TNIP1: variants seen among roughly 807,000 people sequenced by gnomAD.
The protein encoded by TNIP1 is TNFAIP3 interacting protein 1, also known as TNFAIP3-interacting protein 1.
In TNIP1, 22 loss-of-function variants were observed where a neutral mutation model predicts 86.6. That is an observed-to-expected ratio of 0.25 (90% CI 0.18 to 0.36). The LOEUF (loss-of-function observed/expected upper bound fraction) is 0.36, where lower values mean the gene tolerates loss of function less well. Among genes scored for constraint, TNIP1 ranks in the 10% least tolerant of loss-of-function variants. The pLI is 1.00. For synonymous variants in TNIP1, 294 were observed against 313.0 expected (o/e 0.94, Z 0.64); for missense variants, 709 against 820.6 (o/e 0.86, Z 1.66).
chr5:151,036,756 C>G (rs766241930), intron 13 of TNIP1, 34 bp downstream of exon 13: 122 of 1,613,296 alleles, frequency 7.6e-5, no homozygotes, highest in Non-Finnish European at 7.9e-5. Flanking sequence ...TCCCACAGAG[C>G]ACCTCCCACC....
Position 151,035,712 on chromosome 5 carries a change from T to G in TNIP1, c.1396-5A>C. 6.2e-7 allele frequency: 1 copy of G among 1,613,896 alleles called. No individual in the cohort carries two copies. Among genetic ancestry groups the G allele is most frequent in the Non-Finnish European group, 8.5e-7 (1 of 1,179,976 alleles). On this transcript the variant is annotated splice_polypyrimidine_tract_variant and splice_region_variant and intron_variant, in intron 13 of 17. Coordinates refer to ENST00000521591, the MANE Select transcript of TNIP1 (RefSeq NM_006058.5). ...GTCCTCCTCGAAGATCTTCACCTGGTGTGGAGGGAGGGTGAAGAGAGGGAG... is the reference window on the plus strand; with the variant it reads ...GTCCTCCTCGAAGATCTTCACCTGGGGTGGAGGGAGGGTGAAGAGAGGGAG...
upstream of TNIP1, among the ~76,000 whole-genome samples, chr5:151,084,634 G>A (rs1453276038): frequency 1.3e-5 from 2 of 152,108 alleles, no homozygotes; most frequent in African/African-American, 4.8e-5. Flanking sequence ...CCCACTGATA[G>A]GAAATGGAGC....
At chr5:151,040,058 G>T (rs1758226012) in intron 11 of TNIP1, among the ~76,000 whole-genome samples, 1 of 152,226 alleles carries the variant, frequency 6.6e-6, no homozygotes, top group African/African-American at 2.4e-5. Context: ...TAGAACCCAG[G>T]TTTCCTATTC....
upstream of TNIP1, among the ~76,000 whole-genome samples, chr5:151,083,678 A>C (rs1408535412): frequency 6.6e-6 from 1 of 152,182 alleles, no homozygotes; most frequent in Non-Finnish European, 1.5e-5. Context: ...GTTTTAAAGC[A>C]CGCAACTTCT....
At chr5:151,064,017 A>G (rs1213569281) in intron 2 of TNIP1, among the ~76,000 whole-genome samples, 1 of 152,156 alleles carries the variant, frequency 6.6e-6, no homozygotes, top group East Asian at 1.9e-4. Context: ...CCCAACCCCC[A>G]GCATTCTCTT....
chr5:151,065,731 T>C (rs1762146248), intron 1 of TNIP1, among the ~76,000 whole-genome samples: 1 of 152,198 alleles, frequency 6.6e-6, no homozygotes, highest in South Asian at 2.1e-4. Flanking sequence ...TTTATATGTG[T>C]ATCATCTTCT....
At position 151,064,991 on chromosome 5, in the gene TNIP1, C is replaced by T. The variant is rs371138187; in HGVS notation, c.105G>A (p.Leu35=). The T allele has an allele frequency of 1.2e-6, 2 of 1,614,010 alleles. No individual in the cohort carries two copies. Among genetic ancestry groups the T allele is most frequent in the African/African-American group, 2.7e-5 (2 of 74,922 alleles). Reference sequence around the variant, plus strand: ...TCTTTATCCCTTGCATTTTTTCCTTCAGCCGGGAATTCTCCTTCACTAGGC... The same window carrying T: ...TCTTTATCCCTTGCATTTTTTCCTTTAGCCGGGAATTCTCCTTCACTAGGC... ...FERLVKENSR[L]KEKMQGIKML... The change falls in exon 2 of 18, where the codon CTG becomes CTA. Residue 35 remains leucine, a synonymous_variant. Transcript: ENST00000521591.
chr5:151,080,537 G>A (rs1763888785), intron 1 of TNIP1, among the ~76,000 whole-genome samples: 1 of 152,176 alleles, frequency 6.6e-6, no homozygotes, highest in Non-Finnish European at 1.5e-5. Context: ...GAAAACTCCT[G>A]ACGCCGCGTA....
At chr5:151,052,656 A>G (rs1479145732) in intron 6 of TNIP1, among the ~76,000 whole-genome samples, 1 of 152,218 alleles carries the variant, frequency 6.6e-6, no homozygotes, top group Non-Finnish European at 1.5e-5. Context: ...TCCCCGATCC[A>G]GCTACATTAG....
At chr5:151,064,491 T>A (rs527945667) in intron 2 of TNIP1, among the ~76,000 whole-genome samples, 1 of 146,060 alleles carries the variant, frequency 6.8e-6, no homozygotes, top group South Asian at 2.2e-4. Flanking sequence ...TGTTCTAAAG[T>A]GGGGATGGCT....
At chr5:151,050,444 T>C (rs1759759409) in intron 7 of TNIP1, among the ~76,000 whole-genome samples, 1 of 152,222 alleles carries the variant, frequency 6.6e-6, no homozygotes, top group South Asian at 2.1e-4. Flanking sequence ...CCTTTCACTT[T>C]CATTGTATTT....
At chr5:151,069,411 C>A (rs1332872448) in intron 1 of TNIP1, among the ~76,000 whole-genome samples, 1 of 152,130 alleles carries the variant, frequency 6.6e-6, no homozygotes, top group Admixed American at 6.5e-5. Context: ...ATTGTTTTTC[C>A]ATCTGATTAT....
At chr5:151,037,808 C>T (rs1757909691) in intron 12 of TNIP1, among the ~76,000 whole-genome samples, 1 of 152,196 alleles carries the variant, frequency 6.6e-6, no homozygotes, top group African/African-American at 2.4e-5. Context: ...CGGGCTTCCA[C>T]CTGGTCTCCT....
In TNIP1 at chr5:151,032,329, A is replaced by G. The variant is rs1335213798; in HGVS notation, c.1834T>C (p.Ser612Pro). ...CGGVRNPNQSSQVMDPPTARP... is the reference protein window; with the variant it reads ...CGGVRNPNQSPQVMDPPTARP... ...GCTGTGGGAGGGTCCATCACTTGGG[A>G]GCTCTGATTTGGATTTCGAACCCCT... The change falls in exon 17 of 18, where the codon TCC becomes CCC. Residue 612 changes from serine to proline, a missense_variant. By Grantham distance (74) the Ser-to-Pro change is moderately conservative. Coordinates refer to ENST00000521591, the MANE Select transcript of TNIP1 (RefSeq NM_006058.5). 3 of 1,613,888 alleles carry G rather than the reference A, an allele frequency of 1.9e-6. No individual in the cohort carries two copies. The highest frequency in any genetic ancestry group is 2.5e-6 in the Non-Finnish European group (3 of 1,179,978).
At chr5:151,067,972 C>T (rs1307090419) in intron 1 of TNIP1, among the ~76,000 whole-genome samples, 1 of 152,168 alleles carries the variant, frequency 6.6e-6, no homozygotes, top group African/African-American at 2.4e-5. Context: ...CACCCCACGT[C>T]CTCCAAAACA....
chr5:151,047,314 G>C (rs1335147077), intron 8 of TNIP1, among the ~76,000 whole-genome samples: 2 of 152,160 alleles, frequency 1.3e-5, no homozygotes, highest in Admixed American at 1.3e-4. Context: ...GGCCTCAATC[G>C]TGACAGCAAA....
intron 3 of TNIP1, among the ~76,000 whole-genome samples, chr5:151,062,521 C>CT (rs917269175): frequency 6.6e-5 from 10 of 152,190 alleles, no homozygotes; most frequent in African/African-American, 2.4e-4. Context: ...TTTGAAAAGT[C>CT]TTTATGTATC....
rs115010293 is a variant in TNIP1 at position 151,046,817 on chromosome 5, A to G, written c.847-867T>C. Among the ~76,000 whole-genome samples, 812 of 152,368 alleles carry G rather than the reference A, an allele frequency of 5.3e-3. 7 individuals carry two copies. The highest frequency in any genetic ancestry group is 0.019 in the African/African-American group (778 of 41,582). ...GGATTATAAGTCACAGTATGAAATA[A>G]ATACTCTTGAGTTCATACTGATAGA... On this transcript the variant is annotated intron_variant, in intron 8 of 17. Coordinates refer to ENST00000521591, the MANE Select transcript of TNIP1 (RefSeq NM_006058.5).
chr5:151,068,338 A>C (rs963357137), intron 1 of TNIP1, among the ~76,000 whole-genome samples: 4 of 152,148 alleles, frequency 2.6e-5, no homozygotes, highest in African/African-American at 9.7e-5. Flanking sequence ...AGGTTTTTAT[A>C]ACTTCTCCCA....
Sources: gnomAD v4.1 joint callset for allele counts (sites outside exome capture counted in the v4.1 genomes callset) on GRCh38, gnomAD v4.1.1 for gene constraint, MANE v1.5 for transcripts, NCBI Gene and HGNC (gene_info 2026-07-23, HGNC 2026-07-21) for gene names.